The following SLC6A5 variants were observed in gnomAD, a reference collection of about 807,000 sequenced individuals.
SLC6A5 encodes the protein sodium- and chloride-dependent glycine transporter 2.
In SLC6A5, 58 loss-of-function variants were observed where a neutral mutation model predicts 90.5. The observed-to-expected ratio is 0.64, with a 90% CI of 0.52 to 0.80. The LOEUF (loss-of-function observed/expected upper bound fraction) is 0.80. Ranked by LOEUF, SLC6A5 falls within the 30% of genes least tolerant of loss-of-function variation. The pLI is 0.00. For synonymous variants in SLC6A5, 427 were observed against 401.4 expected (o/e 1.06, Z -0.76); for missense variants, 1,015 against 1,017.6 (o/e 1.00, Z 0.03).
At position 20,637,220 on chromosome 11, in the gene SLC6A5, A is replaced by G. The variant is rs1000786095; in HGVS notation, c.1786A>G (p.Lys596Glu). Residue 596 changes from lysine (K) to glutamate (E), a missense_variant, in exon 12 of 16, where the codon AAG (lysine) becomes GAG (glutamate). By Grantham distance (56) the Lys-to-Glu change is moderately conservative (BLOSUM62 1). Coordinates refer to ENST00000525748, the MANE Select transcript of SLC6A5 (RefSeq NM_004211.5). ...IVTSISDEFP[K>E]YLRTHKPVFT... is the part of the protein sequence containing the mutation. ...GACCTCCATCTCAGACGAGTTTCCC[A>G]AGTACCTACGCACACACAAGCCAGT... The G allele has an allele frequency of 5.6e-6, 9 of 1,613,636 alleles. No homozygotes were observed. The Admixed American group carries it at 1.0e-4, about 18-fold the overall frequency.
chr11:20,657,133 CTGAT>C lies in SLC6A5; in HGVS notation c.*2269_*2272del, dbSNP rs1853646507. On this transcript the variant is annotated 3_prime_UTR_variant, in exon 16 of 16. Coordinates refer to ENST00000525748, the MANE Select transcript of SLC6A5 (RefSeq NM_004211.5). The stretch of plus-strand genomic sequence containing the variant: ...CTCCTGTTGCCTCTTGGCTAAAACT[CTGAT>C]TGAGCCAATGGTTGCAGTCTGATGC... The C allele has an allele frequency of 6.6e-6, 1 of 151,182 alleles. No individual in the cohort carries two copies. Among genetic ancestry groups the C allele is most frequent in the Non-Finnish European group, 1.5e-5 (1 of 68,000 alleles). The allele number at this position is 151,182 out of a possible 1,614,324, so 9.4% of individuals were successfully genotyped here.
intron 5 of SLC6A5, 129 bp downstream of exon 5, chr11:20,607,781 A>T: frequency 1.4e-6 from 1 of 713,880 alleles, no homozygotes; most frequent in Non-Finnish European, 2.4e-6. Flanking sequence ...ATTACATCAA[A>T]CTATCAAATA....
intron 5 of SLC6A5, among the ~76,000 whole-genome samples, chr11:20,611,636 G>T (rs1242687452): frequency 6.6e-6 from 1 of 152,086 alleles, no homozygotes; most frequent in African/African-American, 2.4e-5. Flanking sequence ...CTTGTTCAGT[G>T]GCTCTTATGA....
At chr11:20,616,736 C>G (rs935047673) in intron 6 of SLC6A5, among the ~76,000 whole-genome samples, 6 of 152,186 alleles carry the variant, frequency 3.9e-5, no homozygotes, top group Non-Finnish European at 5.9e-5. Context: ...GAGGCTCTGT[C>G]TGCACAGGGT....
At chr11:20,600,477 C>A (rs975797315) in intron 1 of SLC6A5, among the ~76,000 whole-genome samples, 1 of 151,990 alleles carries the variant, frequency 6.6e-6, no homozygotes, top group African/African-American at 2.4e-5. Context: ...GAAGTGAATA[C>A]GAGTTGTGTA....
Position 20,629,986 on chromosome 11 carries a change from G to A in SLC6A5, c.1500-705G>A, listed in dbSNP as rs4923582. 0.03 allele frequency among the ~76,000 whole-genome samples: 4,639 copies of A among 152,224 alleles called. 460 individuals carry two copies. In the East Asian group the frequency reaches 0.37, roughly 12 times the overall value. ...GATCCACCTGCCTTGGCCTCCCAAA[G>A]TGCCGGGATTACAGGTATGAGCCAC... is the stretch of plus-strand genomic sequence containing the variant. On this transcript the variant is annotated intron_variant, in intron 9 of 15. Transcript: ENST00000525748.
At chr11:20,646,261 CTTTGAG>C (rs1354713023) in intron 13 of SLC6A5, among the ~76,000 whole-genome samples, 1 of 152,054 alleles carries the variant, frequency 6.6e-6, no homozygotes, top group Non-Finnish European at 1.5e-5. Flanking sequence ...GACAGCAGTC[CTTTGAG>C]TTCCAACAAA....
Position 20,599,616 on chromosome 11 carries a change from G to C in SLC6A5, c.-57G>C. ...GCCTCTCCTGCCTGAGCCAAACCCA[G>C]TCTTGTCAATAGCGGGTTTCACCCT... On this transcript the variant is annotated 5_prime_UTR_variant, in exon 1 of 16. Coordinates refer to ENST00000525748, the MANE Select transcript of SLC6A5 (RefSeq NM_004211.5). The C allele has an allele frequency of 6.2e-7, 1 of 1,611,654 alleles. No individual in the cohort carries two copies. The highest frequency in any genetic ancestry group is 8.5e-7 in the Non-Finnish European group (1 of 1,177,734).
rs1479492228 is a variant in SLC6A5 at position 20,658,895 on chromosome 11, T to C, written c.*4027T>C. ...ACTTTATTATGGACCTGTAAAGGAA[T>C]AGGTTAATTCTTACATTGTGTACTT... is the stretch of plus-strand genomic sequence containing the variant. On this transcript the variant is annotated 3_prime_UTR_variant, in exon 16 of 16. Transcript: ENST00000525748. 3.9e-5 allele frequency: 6 copies of C among 152,174 alleles called. No homozygotes were observed. Among genetic ancestry groups the C allele is most frequent in the Admixed American group, 1.3e-4 (2 of 15,268 alleles). 9.4% of individuals were successfully genotyped at this position (152,174 alleles called of 1,614,324 possible). A position where few individuals can be genotyped will look rare whatever the true frequency, so the allele number is the denominator to read the frequency against.
Position 20,617,792 on chromosome 11 carries a change from G to A in SLC6A5, c.1168G>A (p.Gly390Ser). Residue 390 changes from glycine (G) to serine (S), a missense_variant, in exon 7 of 16, where the codon GGC becomes AGC. Coordinates refer to ENST00000525748, the MANE Select transcript of SLC6A5 (RefSeq NM_004211.5). The stretch of plus-strand genomic sequence containing the variant: ...GATTTCTGCAGGGATTGAATATCCT[G>A]GCGAGATCAGGTGGCCACTAGCTCT... ...LKISAGIEYP[G>S]EIRWPLALCL... 6.2e-7 allele frequency: 1 copy of A among 1,614,150 alleles called. No homozygotes were observed. Among genetic ancestry groups the A allele is most frequent in the Non-Finnish European group, 8.5e-7 (1 of 1,180,024 alleles).
Position 20,601,131 on chromosome 11 carries a change from T to C in SLC6A5, c.6T>C (p.Asp2=), listed in dbSNP as rs1423571520. The C allele has an allele frequency of 1.3e-6, 2 of 1,589,790 alleles. No homozygotes were observed. The highest frequency in any genetic ancestry group is 1.3e-5 in the African/African-American group (1 of 74,890). M[D]CSAPKEMNKL... is the part of the protein sequence containing the mutation. ...CGAACTTGACATTGTGTTTGCAGGA[T>C]TGCAGTGCTCCCAAGGAAATGAATA... Residue 2 remains aspartate, a splice_region_variant and synonymous_variant, in exon 2 of 16, where the codon GAT becomes GAC. Transcript: ENST00000525748.
intron 8 of SLC6A5, 44 bp from the exon 9 acceptor site, chr11:20,627,936 G>C (rs1565281229): frequency 6.7e-7 from 1 of 1,487,718 alleles, no homozygotes; most frequent in Admixed American, 1.7e-5. Context: ...CCTGGCGCCA[G>C]TCTCCTTCAT....
At chr11:20,647,958 G>A (rs894993963) in intron 14 of SLC6A5, among the ~76,000 whole-genome samples, 2 of 152,186 alleles carry the variant, frequency 1.3e-5, no homozygotes, top group African/African-American at 4.8e-5. Context: ...AAAGATCAGA[G>A]CCTTTCACGT....
Position 20,654,939 on chromosome 11 carries a change from C to A in SLC6A5, c.*71C>A. 6.9e-7 allele frequency: 1 copy of A among 1,442,688 alleles called. No individual in the cohort carries two copies. Among genetic ancestry groups the A allele is most frequent in the Non-Finnish European group, 9.8e-7 (1 of 1,023,646 alleles). The allele number at this position is 1,442,688 out of a possible 1,614,324, so 89.4% of individuals were successfully genotyped here. A position where few individuals can be genotyped will look rare whatever the true frequency, so the allele number is the denominator to read the frequency against. On this transcript the variant is annotated 3_prime_UTR_variant, in exon 16 of 16. Coordinates refer to ENST00000525748, the MANE Select transcript of SLC6A5 (RefSeq NM_004211.5). ...TGCCTCCTCCTAATGTTTTCCATAGCTCTCCTCCCATTTTTCTTCATCTTT... is the reference window on the plus strand; with the variant it reads ...TGCCTCCTCCTAATGTTTTCCATAGATCTCCTCCCATTTTTCTTCATCTTT...
At chr11:20,647,923 G>A (rs936470621) in intron 14 of SLC6A5, among the ~76,000 whole-genome samples, 2 of 152,098 alleles carry the variant, frequency 1.3e-5, no homozygotes, top group Non-Finnish European at 2.9e-5. Context: ...ATGACATTTT[G>A]GGATCATCTG....
chr11:20,626,663 C>T (rs1853000742), intron 7 of SLC6A5, 45 bp from the exon 8 acceptor site: 5 of 1,608,448 alleles, frequency 3.1e-6, no homozygotes, highest in South Asian at 1.1e-5. Context: ...CAGGTGCACT[C>T]TGCAGGGCTG....
Position 20,617,400 on chromosome 11 carries a change from A to G in SLC6A5, c.1128-352A>G, listed in dbSNP as rs374171304. 2.0e-5 allele frequency among the ~76,000 whole-genome samples: 3 copies of G among 152,190 alleles called. No individual in the cohort carries two copies. In the East Asian group the frequency reaches 5.8e-4, roughly 29 times the overall value. ...AGAGCAATACAGAAAACACACAAAA[A>G]TCACCCTTGACGGTTCAGAGTTTCT... On this transcript the variant is annotated intron_variant, in intron 6 of 15. Coordinates refer to ENST00000525748, the MANE Select transcript of SLC6A5 (RefSeq NM_004211.5).
At chr11:20,607,167 C>G (rs1852599814) in intron 4 of SLC6A5, 29 bp downstream of exon 4, 1 of 1,585,034 alleles carries the variant, frequency 6.3e-7, no homozygotes, top group Non-Finnish European at 8.6e-7. Context: ...TCAGCCTCCT[C>G]AGGCCCTTTC....
chr11:20,630,954 G>A, intron 10 of SLC6A5, 139 bp downstream of exon 10: 1 of 940,810 alleles, frequency 1.1e-6, no homozygotes, highest in Non-Finnish European at 1.7e-6. Context: ...CTTTACAGAG[G>A]GACCAAGGCA....
Sources: allele counts gnomAD v4.1 joint callset (sites outside exome capture counted in the v4.1 genomes callset), GRCh38; gene constraint gnomAD v4.1.1; transcripts MANE v1.5; gene names NCBI Gene and HGNC (gene_info 2026-07-23, HGNC 2026-07-21).